CPAMD8: variants seen among roughly 807,000 people sequenced by gnomAD.
The protein encoded by CPAMD8 is C3 and PZP-like alpha-2-macroglobulin domain-containing protein 8.
A neutral mutation model predicts 224.7 loss-of-function variants in CPAMD8; 146 were observed. The observed-to-expected ratio is 0.65, with a 90% confidence interval of 0.57 to 0.75. The LOEUF (loss-of-function observed/expected upper bound fraction) is 0.75. Among genes scored for constraint, CPAMD8 ranks in the 30% least tolerant of loss-of-function variants. The pLI is 0.00. For missense variants in CPAMD8, 2,301 were observed against 2,537.5 expected (o/e 0.91, Z 2.00); for synonymous variants, 966 against 1,044.6 (o/e 0.92, Z 1.45).
At chr19:17,001,032 A>G (rs761446885) in intron 9 of CPAMD8, among the ~76,000 whole-genome samples, 11 of 152,074 alleles carry the variant, frequency 7.2e-5, no homozygotes, top group Non-Finnish European at 8.8e-5. Context: ...GCAAAATGAG[A>G]GAGTGCAGGC....
intron 7 of CPAMD8, among the ~76,000 whole-genome samples, chr19:17,007,495 GAGA>G (rs1411049173): frequency 6.6e-6 from 1 of 151,896 alleles, no homozygotes; most frequent in Non-Finnish European, 1.5e-5. Flanking sequence ...ATAAGACGAA[GAGA>G]AGGAGAAGAA....
chr19:16,899,763 T>C lies in CPAMD8; in HGVS notation c.4774-214A>G, dbSNP rs915749616. Among the ~76,000 whole-genome samples, 7 of 152,074 alleles carry C rather than the reference T, an allele frequency of 4.6e-5. No homozygotes were observed. Among genetic ancestry groups the C allele is most frequent in the Admixed American group, 4.6e-4 (7 of 15,252 alleles). On this transcript the variant is annotated intron_variant, in intron 36 of 41. Coordinates refer to ENST00000443236, the MANE Select transcript of CPAMD8 (RefSeq NM_015692.5). This position sits in a 1 kb window ranked among gnomAD's most constrained non-coding sequence, Gnocchi z 5.4. ...GCTATCCCCGCTGGGAGCACCTGCC[T>C]CGCCTCCCTATACACTCCCTCAACC...
At chr19:16,903,411 A>T in intron 34 of CPAMD8, 150 bp downstream of exon 34, 1 of 1,111,990 alleles carries the variant, frequency 9.0e-7, no homozygotes. Flanking sequence ...TGCCTTGGGC[A>T]GTATTAGAAG....
intron 39 of CPAMD8, 183 bp downstream of exon 39, chr19:16,897,508 G>A: frequency 1.8e-6 from 1 of 551,344 alleles, no homozygotes; most frequent in Non-Finnish European, 3.2e-6. Flanking sequence ...CCCGCTGACC[G>A]CTCCTCCAGC....
intron 13 of CPAMD8, among the ~76,000 whole-genome samples, chr19:16,988,597 G>A (rs572263012): frequency 6.6e-6 from 1 of 151,576 alleles, no homozygotes; most frequent in East Asian, 1.9e-4. Context: ...CTGACAGAGT[G>A]AGACTCCACC....
chr19:16,907,278 A>T (rs1251019680), intron 29 of CPAMD8, among the ~76,000 whole-genome samples, 161 bp from the exon 30 acceptor site: 2 of 144,818 alleles, frequency 1.4e-5, no homozygotes, highest in African/African-American at 5.2e-5. Context: ...CCAATTTTCA[A>T]ACCCCATCTC....
Position 16,899,695 on chromosome 19 carries a change from C to T in CPAMD8, c.4774-146G>A, listed in dbSNP as rs897265790. ...TGGGTGCTGGTCAGTGCTCCCCAGGCCCTGCCAGCCTCTCAGCACCCAGGA... is the reference window on the plus strand; with the variant it reads ...TGGGTGCTGGTCAGTGCTCCCCAGGTCCTGCCAGCCTCTCAGCACCCAGGA... On this transcript the variant is annotated intron_variant, in intron 36 of 41. Transcript: ENST00000443236. This position sits in a 1 kb window ranked among gnomAD's most constrained non-coding sequence, Gnocchi z 5.4. 28 of 615,706 alleles carry T rather than the reference C, an allele frequency of 4.5e-5. No individual in the cohort carries two copies. The highest frequency in any genetic ancestry group is 7.4e-5 in the Non-Finnish European group (25 of 337,048). The allele number at this position is 615,706 out of a possible 1,614,324, so 38.1% of individuals were successfully genotyped here. A position where few individuals can be genotyped will look rare whatever the true frequency, so the allele number is the denominator to read the frequency against.
chr19:16,906,252 T>A (rs1169284666), intron 30 of CPAMD8, among the ~76,000 whole-genome samples: 2 of 151,908 alleles, frequency 1.3e-5, no homozygotes, highest in African/African-American at 4.8e-5. Flanking sequence ...TCTCGTCAGT[T>A]TCCCTTTCTC....
At chr19:16,930,246 A>G (rs2053505552) in intron 23 of CPAMD8, among the ~76,000 whole-genome samples, 2 of 150,760 alleles carry the variant, frequency 1.3e-5, no homozygotes, top group African/African-American at 4.9e-5. Flanking sequence ...CAAGAGTGAA[A>G]CTCCATCTCA....
At position 16,968,500 on chromosome 19, in the gene CPAMD8, G is replaced by A. The variant is rs564146251; in HGVS notation, c.2213+2391C>T. Among the ~76,000 whole-genome samples the A allele has an allele frequency of 3.9e-5, 6 of 152,252 alleles. No individual in the cohort carries two copies. In the South Asian group the frequency reaches 6.2e-4, roughly 16 times the overall value. On this transcript the variant is annotated intron_variant, in intron 18 of 41. Transcript: ENST00000443236. ...CTGGACAGGTCATACATCAAAATGG[G>A]CATCATTCCAAAAGTTAGAACCTAT... is the stretch of plus-strand genomic sequence containing the variant.
chr19:17,008,426 G>C, intron 7 of CPAMD8, 79 bp downstream of exon 7: 1 of 1,539,914 alleles, frequency 6.5e-7, no homozygotes, highest in Non-Finnish European at 8.9e-7. Flanking sequence ...TTAGCGGTGG[G>C]CCCTGGACAG....
At chr19:17,015,069 C>T (rs543563916) in intron 3 of CPAMD8, among the ~76,000 whole-genome samples, 77 of 152,252 alleles carry the variant, frequency 5.1e-4, no homozygotes, top group Non-Finnish European at 7.2e-4. Context: ...TGGCGAAGCC[C>T]CGTCTCTACT....
At chr19:17,003,795 T>C (rs12980608) in intron 8 of CPAMD8, among the ~76,000 whole-genome samples, 119,696 of 149,376 alleles carry the variant, frequency 0.8, 48,495 homozygotes, top group African/African-American at 0.92. Flanking sequence ...AAAAAAAAAG[T>C]AAGAGTGTAG....
chr19:16,903,450 G>T, intron 34 of CPAMD8, 111 bp downstream of exon 34: 1 of 1,485,802 alleles, frequency 6.7e-7, no homozygotes, highest in Non-Finnish European at 9.2e-7. Context: ...AGTCTGGCAT[G>T]CTGCTGAGTT....
chr19:16,950,860 G>A (rs2054278419), intron 20 of CPAMD8, among the ~76,000 whole-genome samples: 1 of 151,522 alleles, frequency 6.6e-6, no homozygotes, highest in Non-Finnish European at 1.5e-5. Context: ...CTCCCTCAGG[G>A]CCTCCAAAAG....
At chr19:16,953,556 C>G (rs770135932) in intron 19 of CPAMD8, among the ~76,000 whole-genome samples, 6 of 151,170 alleles carry the variant, frequency 4.0e-5, no homozygotes, top group Non-Finnish European at 5.9e-5. Context: ...AAAAATTTAG[C>G]CAGGAGTGGT....
intron 27 of CPAMD8, among the ~76,000 whole-genome samples, chr19:16,917,935 C>A (rs927314766): frequency 2.6e-5 from 4 of 152,170 alleles, no homozygotes; most frequent in Non-Finnish European, 4.4e-5. Context: ...ATGCTCAAGT[C>A]CCCGATATAC....
rs1568443679 is a variant in CPAMD8, at chr19:16,896,457, G to A, written c.5274C>T (p.Leu1758=). The change falls in exon 40 of 42, where the codon CTC becomes CTT. Residue 1758 remains leucine, a splice_region_variant and synonymous_variant. Coordinates refer to ENST00000443236, the MANE Select transcript of CPAMD8 (RefSeq NM_015692.5). The part of the protein sequence containing the change: ...LEPAPPSCCA[L]EQRLPASSSS... ...CTAGGCGGGGGGTAGGGTCCTCACC[G>A]AGGGCGCAGCAGCTGGGAGGCGCGG... is the stretch of plus-strand genomic sequence containing the variant. 2.8e-6 allele frequency: 4 copies of A among 1,450,544 alleles called. No individual in the cohort carries two copies. The African/African-American group carries it at 4.3e-5, about 16-fold the overall frequency. 89.9% of individuals were successfully genotyped at this position (1,450,544 alleles called of 1,614,324 possible).
intron 23 of CPAMD8, among the ~76,000 whole-genome samples, chr19:16,935,963 T>C (rs937746217): frequency 2.0e-5 from 3 of 151,844 alleles, no homozygotes; most frequent in Admixed American, 2.0e-4. Context: ...CAACTCACTC[T>C]GTCGCCTAGG....
Sources: gnomAD v4.1 joint callset for allele counts (sites outside exome capture counted in the v4.1 genomes callset) on GRCh38, gnomAD v4.1.1 for gene constraint, Gnocchi (gnomAD v3.1) non-coding constraint, MANE v1.5 for transcripts, NCBI Gene and HGNC (gene_info 2026-07-23, HGNC 2026-07-21) for gene names.